PIBF1: variants seen among roughly 807,000 people sequenced by gnomAD.
The protein encoded by PIBF1 is progesterone immunomodulatory binding factor 1.
A neutral mutation model predicts 112.5 loss-of-function variants in PIBF1; 90 were observed. That is an observed-to-expected ratio of 0.80 (90% CI 0.67 to 0.95). PIBF1 has a LOEUF of 0.95. PIBF1 is among the 40% of genes least tolerant of loss of function. The pLI is 0.00. For missense variants in PIBF1, 915 were observed against 852.3 expected, an observed-to-expected ratio of 1.07 and a Z score of -0.92; for synonymous variants, 301 against 288.6, an observed-to-expected ratio of 1.04 and a Z score of -0.44.
At chr13:72,844,446 C>T (rs1050448981) in intron 9 of PIBF1, among the ~76,000 whole-genome samples, 1 of 151,700 alleles carries the variant, frequency 6.6e-6, no homozygotes, top group Admixed American at 6.6e-5. Flanking sequence ...CCCATCAACC[C>T]GTCATCTACA....
intron 15 of PIBF1, among the ~76,000 whole-genome samples, chr13:72,971,865 T>C (rs908056099): frequency 7.2e-5 from 11 of 152,004 alleles, no homozygotes; most frequent in African/African-American, 2.7e-4. Flanking sequence ...TCCTTCTCGA[T>C]TACTTGGAAG....
At chr13:72,800,489 A>G (rs1166176632) in intron 5 of PIBF1, among the ~76,000 whole-genome samples, 7 of 152,238 alleles carry the variant, frequency 4.6e-5, no homozygotes, top group Non-Finnish European at 8.8e-5. Context: ...GCGACTTGAT[A>G]ACAATGTGAT....
chr13:72,975,808 A>G (rs2043005949), intron 16 of PIBF1, among the ~76,000 whole-genome samples: 1 of 152,160 alleles, frequency 6.6e-6, no homozygotes, highest in African/African-American at 2.4e-5. Context: ...TTGTTTCTTC[A>G]CTGTGGAAAC....
intron 9 of PIBF1, among the ~76,000 whole-genome samples, chr13:72,841,714 G>A (rs2037618874): frequency 6.6e-6 from 1 of 152,138 alleles, no homozygotes; most frequent in African/African-American, 2.4e-5. Context: ...AGGCTGCACT[G>A]AGCCAAGATC....
chr13:72,907,315 A>G (rs2040735135), intron 11 of PIBF1, among the ~76,000 whole-genome samples: 1 of 152,138 alleles, frequency 6.6e-6, no homozygotes, highest in African/African-American at 2.4e-5. Context: ...CTTTTTCCAC[A>G]TCACAGAAAA....
chr13:72,812,624 A>C (rs2036073337), intron 5 of PIBF1, among the ~76,000 whole-genome samples: 1 of 152,036 alleles, frequency 6.6e-6, no homozygotes, highest in Non-Finnish European at 1.5e-5. Context: ...CTCTACCAAA[A>C]AATACAAAAA....
At chr13:72,966,596 T>C (rs2042745615) in intron 15 of PIBF1, among the ~76,000 whole-genome samples, 1 of 152,196 alleles carries the variant, frequency 6.6e-6, no homozygotes, top group Non-Finnish European at 1.5e-5. Context: ...CCTCCTATGT[T>C]ACATATTTCT....
intron 5 of PIBF1, among the ~76,000 whole-genome samples, chr13:72,803,242 TTTTTTTGTTTTG>T (rs2035567363): frequency 1.4e-5 from 2 of 147,268 alleles, no homozygotes; most frequent in Admixed American, 1.3e-4. Context: ...TTTTTTTTTG[TTTTTTTGTTTTG>T]TTTTTTGTTT....
At chr13:72,875,995 A>C (rs1307717120) in intron 10 of PIBF1, among the ~76,000 whole-genome samples, 1 of 152,026 alleles carries the variant, frequency 6.6e-6, no homozygotes, top group Non-Finnish European at 1.5e-5. Flanking sequence ...GTTTTGTCTA[A>C]AAAGTCATGG....
chr13:73,010,810 C>CTTTTTTTTTTTTTTTTTTTTTTTTTTT lies in PIBF1; in HGVS notation c.2224-5055_2224-5029dup, dbSNP rs1176079981. 2.2e-4 allele frequency among the ~76,000 whole-genome samples: 9 copies of CTTTTTTTTTTTTTTTTTTTTTTTTTTT among 40,304 alleles called. 2 individuals carry two copies. Among genetic ancestry groups the CTTTTTTTTTTTTTTTTTTTTTTTTTTT allele is most frequent in the Non-Finnish European group, 3.5e-4 (8 of 22,538 alleles). The allele number at this position is 40,304 out of a possible 152,430, so 26.4% of individuals were successfully genotyped here. A position where few individuals can be genotyped will look rare whatever the true frequency, so the allele number is the denominator to read the frequency against. On this transcript the variant is annotated intron_variant, in intron 17 of 17. Coordinates refer to ENST00000326291, the MANE Select transcript of PIBF1 (RefSeq NM_006346.4). ...CTGAGCTGGAAAATCATTAACTTTT[C>CTTTTTTTTTTTTTTTTTTTTTTTTTTT]TTTTTTTTTTTTTTTTTTTTTTTTT...
At chr13:72,892,809 C>CA (rs200149334) in intron 10 of PIBF1, among the ~76,000 whole-genome samples, 2 of 146,594 alleles carry the variant, frequency 1.4e-5, no homozygotes, top group Non-Finnish European at 3.0e-5. Context: ...CACACACACA[C>CA]GCACACGCAC....
At chr13:72,884,767 G>C (rs1326032176) in intron 10 of PIBF1, 2 of 152,024 alleles carry the variant, frequency 1.3e-5, no homozygotes, top group African/African-American at 2.4e-5. Flanking sequence ...TGTTTACTGA[G>C]TGCCTAACAT....
chr13:72,783,222 G>A (rs1379679322), intron 1 of PIBF1, among the ~76,000 whole-genome samples: 3 of 151,776 alleles, frequency 2.0e-5, no homozygotes, highest in African/African-American at 7.3e-5. Flanking sequence ...GTTTTTTTAA[G>A]TTTCTCGAAG....
intron 10 of PIBF1, among the ~76,000 whole-genome samples, chr13:72,867,674 C>T (rs2038984257): frequency 6.6e-6 from 1 of 152,122 alleles, no homozygotes; most frequent in Non-Finnish European, 1.5e-5. Flanking sequence ...TGGGATTTTT[C>T]TTGCATCTTT....
rs57599910 is a variant in PIBF1 at position 72,790,421 on chromosome 13, TCACACACACACA to T, written c.253-1994_253-1983del. ...TCAGTTAGAGTTTAGGAGGAGTCCA[TCACACACACACA>T]CACACACACACACACACACACACAC... On this transcript the variant is annotated intron_variant, in intron 2 of 17. Transcript: ENST00000326291. Among the ~76,000 whole-genome samples the T allele has an allele frequency of 0.011, 1,430 of 135,590 alleles. 54 individuals carry two copies. The East Asian group carries it at 0.13, about 12-fold the overall frequency. 89.0% of individuals were successfully genotyped at this position (135,590 alleles called of 152,430 possible).
At chr13:72,800,878 G>A (rs1476136929) in intron 5 of PIBF1, among the ~76,000 whole-genome samples, 1 of 152,204 alleles carries the variant, frequency 6.6e-6, no homozygotes, top group Admixed American at 6.5e-5. Context: ...AGGGAAGAGA[G>A]CATTGTCAGA....
intron 6 of PIBF1, among the ~76,000 whole-genome samples, chr13:72,824,077 G>A (rs2036687220): frequency 6.6e-6 from 1 of 151,990 alleles, no homozygotes; most frequent in South Asian, 2.1e-4. Context: ...GCAATGGCAC[G>A]ATCTCGGCTC....
At chr13:72,993,211 G>A (rs2139008763) in intron 16 of PIBF1, among the ~76,000 whole-genome samples, 1 of 152,148 alleles carries the variant, frequency 6.6e-6, no homozygotes, top group Admixed American at 6.5e-5. Flanking sequence ...TGTAGACCCA[G>A]CTACTCAGGA....
intron 16 of PIBF1, among the ~76,000 whole-genome samples, chr13:72,990,711 G>T (rs2043451335): frequency 6.6e-6 from 1 of 151,464 alleles, no homozygotes; most frequent in Non-Finnish European, 1.5e-5. Context: ...AGCCAGGTGT[G>T]GTGGCACATG....
Sources: gnomAD v4.1 joint callset for allele counts (sites outside exome capture counted in the v4.1 genomes callset) on GRCh38, gnomAD v4.1.1 for gene constraint, MANE v1.5 for transcripts, NCBI Gene and HGNC (gene_info 2026-07-23, HGNC 2026-07-21) for gene names.